ERO1B: variants seen among roughly 807,000 people sequenced by gnomAD.
ERO1B encodes the protein endoplasmic reticulum oxidoreductase 1 beta, also known as ERO1-like protein beta.
Under a neutral mutation model 75.3 loss-of-function variants are expected in ERO1B, and 49 were observed. The ratio of observed to expected loss-of-function variants is 0.65; its 90% confidence interval spans 0.52 to 0.83. The LOEUF is 0.83. ERO1B is among the 40% of genes least tolerant of loss of function. The pLI is 0.00. For missense variants in ERO1B, 512 were observed against 560.1 expected, an observed-to-expected ratio of 0.91 and a Z score of 0.87; for synonymous variants, 191 against 192.9, an observed-to-expected ratio of 0.99 and a Z score of 0.08.
Position 236,251,508 on chromosome 1 carries a change from CAAG to C in ERO1B, c.348+539_348+541del, listed in dbSNP as rs1357782432. 6 of 968,874 alleles carry C rather than the reference CAAG, an allele frequency of 6.2e-6. No individual in the cohort carries two copies. In the South Asian group the frequency reaches 1.4e-4, roughly 23 times the overall value. The allele number at this position is 968,874 out of a possible 1,614,324, so 60.0% of individuals were successfully genotyped here. On this transcript the variant is annotated intron_variant, in intron 4 of 15. Transcript: ENST00000354619. ...GCAAGAAGAAAACGCAAAGGAGGCACAAGAAGGAGACAGAGAGAGAGGGTATGA... is the reference window on the plus strand; with the variant it reads ...GCAAGAAGAAAACGCAAAGGAGGCACAAGGAGACAGAGAGAGAGGGTATGA...
chr1:236,216,145 A>G lies in ERO1B; in HGVS notation c.*2371T>C, dbSNP rs573813327. ...AAAAATAAACTTACGCCATTGAAGGAAGGAATATTTTCCTTTTCTTCATTT... is the reference window on the plus strand; with the variant it reads ...AAAAATAAACTTACGCCATTGAAGGGAGGAATATTTTCCTTTTCTTCATTT... On this transcript the variant is annotated 3_prime_UTR_variant, in exon 16 of 16. Coordinates refer to ENST00000354619, the MANE Select transcript of ERO1B (RefSeq NM_019891.4). The G allele has an allele frequency of 6.6e-6, 1 of 152,238 alleles. No individual in the cohort carries two copies. The highest frequency in any genetic ancestry group is 6.5e-5 in the Admixed American group (1 of 15,286). The allele number at this position is 152,238 out of a possible 1,614,324, so 9.4% of individuals were successfully genotyped here.
Position 236,216,795 on chromosome 1 carries a change from TCTTA to T in ERO1B, c.*1717_*1720del, listed in dbSNP as rs1205740479. On this transcript the variant is annotated 3_prime_UTR_variant, in exon 16 of 16. Transcript: ENST00000354619. ...ACTCTGAGTGAATACTAAGAATAATTCTTACTAATTTACTAGTTAAATTAATTGG... is the reference window on the plus strand; with the variant it reads ...ACTCTGAGTGAATACTAAGAATAATTCTAATTTACTAGTTAAATTAATTGG... The T allele has an allele frequency of 6.6e-6, 1 of 152,020 alleles. No homozygotes were observed. The highest frequency in any genetic ancestry group is 1.5e-5 in the Non-Finnish European group (1 of 67,968). 9.4% of individuals were successfully genotyped at this position (152,020 alleles called of 1,614,324 possible).
At chr1:236,274,272 C>T (rs1440422857) in intron 1 of ERO1B, among the ~76,000 whole-genome samples, 1 of 152,190 alleles carries the variant, frequency 6.6e-6, no homozygotes, top group Non-Finnish European at 1.5e-5. Flanking sequence ...GTGTGAGCCA[C>T]TGTGCCAGCC....
At chr1:236,278,809 TTG>T (rs1665762695) in intron 1 of ERO1B, among the ~76,000 whole-genome samples, 1 of 152,230 alleles carries the variant, frequency 6.6e-6, no homozygotes, top group African/African-American at 2.4e-5. Flanking sequence ...ACGTATCATT[TTG>T]TGTGTTCAAA....
chr1:236,231,500 G>GAAAAA (rs57411768), intron 9 of ERO1B, among the ~76,000 whole-genome samples: 1 of 95,892 alleles, frequency 1.0e-5, no homozygotes, highest in Non-Finnish European at 2.3e-5. Context: ...TTAAACACTT[G>GAAAAA]AAAAAAAAAA....
intron 13 of ERO1B, among the ~76,000 whole-genome samples, chr1:236,224,454 A>T (rs1383403778): frequency 7.9e-6 from 1 of 126,670 alleles, no homozygotes; most frequent in African/African-American, 2.8e-5. Context: ...CATCTCAAAA[A>T]ATAAATTTAA....
intron 1 of ERO1B, among the ~76,000 whole-genome samples, chr1:236,277,220 A>G (rs1421208277): frequency 2.0e-5 from 3 of 152,140 alleles, no homozygotes; most frequent in South Asian, 2.1e-4. Flanking sequence ...CCTGGCCAAC[A>G]TGGCAAAACC....
intron 2 of ERO1B, among the ~76,000 whole-genome samples, chr1:236,254,445 T>C (rs1447446873): frequency 2.0e-5 from 3 of 152,078 alleles, no homozygotes; most frequent in African/African-American, 7.2e-5. Context: ...CCTCAAAACC[T>C]TCCTGTGGCT....
intron 3 of ERO1B, 33 bp from the exon 4 acceptor site, chr1:236,252,124 A>C (rs1449380007): frequency 7.1e-7 from 1 of 1,414,096 alleles, no homozygotes; most frequent in South Asian, 1.2e-5. Context: ...AAAAATTTTT[A>C]AGTGATCTTT....
intron 9 of ERO1B, 59 bp from the exon 10 acceptor site, chr1:236,230,309 A>AT (rs1664374218): frequency 2.8e-6 from 4 of 1,422,386 alleles, no homozygotes; most frequent in East Asian, 2.3e-5. Flanking sequence ...AGTAGAATAA[A>AT]TTAGGTTTAT....
intron 6 of ERO1B, among the ~76,000 whole-genome samples, chr1:236,240,981 C>T (rs1018255810): frequency 3.9e-5 from 6 of 151,952 alleles, no homozygotes; most frequent in Admixed American, 6.6e-5. Context: ...ATGATAAAGA[C>T]AGTAACAACA....
intron 5 of ERO1B, among the ~76,000 whole-genome samples, chr1:236,245,425 C>T (rs12758879): frequency 4.0e-5 from 1 of 24,718 alleles, no homozygotes; most frequent in Non-Finnish European, 6.5e-5. Context: ...TATATATATA[C>T]GTATATATAT....
chr1:236,216,555 C>G lies in ERO1B; in HGVS notation c.*1961G>C, dbSNP rs1459022751. The G allele has an allele frequency of 6.6e-6, 1 of 151,980 alleles. No individual in the cohort carries two copies. Among genetic ancestry groups the G allele is most frequent in the African/African-American group, 2.4e-5 (1 of 41,394 alleles). 9.4% of individuals were successfully genotyped at this position (151,980 alleles called of 1,614,324 possible). A position where few individuals can be genotyped will look rare whatever the true frequency, so the allele number is the denominator to read the frequency against. ...AAAGAACTTTTTACTCTAACCAGAT[C>G]TTTTAATTTCCTAGAACATACTCTA... is the stretch of plus-strand genomic sequence containing the variant. On this transcript the variant is annotated 3_prime_UTR_variant, in exon 16 of 16. Coordinates refer to ENST00000354619, the MANE Select transcript of ERO1B (RefSeq NM_019891.4).
chr1:236,232,967 C>T, intron 8 of ERO1B, 128 bp from the exon 9 acceptor site: 1 of 669,096 alleles, frequency 1.5e-6, no homozygotes, highest in East Asian at 3.1e-5. Context: ...TGAGTAGACG[C>T]CCTGCAAATG....
At chr1:236,221,316 TA>T (rs1329080692) in intron 14 of ERO1B, among the ~76,000 whole-genome samples, 4 of 152,090 alleles carry the variant, frequency 2.6e-5, no homozygotes, top group African/African-American at 4.8e-5. Context: ...ACTCAGAGAT[TA>T]TTGATACCCA....
chr1:236,229,597 A>C lies in ERO1B; in HGVS notation c.712+627T>G, dbSNP rs183155811. On this transcript the variant is annotated intron_variant, in intron 10 of 15. Coordinates refer to ENST00000354619, the MANE Select transcript of ERO1B (RefSeq NM_019891.4). ...AATATATTTTAATTTTTAATTTCAT[A>C]TACTAATGGCAATTTGGTAAGGTAA... Among the ~76,000 whole-genome samples the C allele has an allele frequency of 5.2e-3, 795 of 152,252 alleles. 11 individuals carry two copies. The highest frequency in any genetic ancestry group is 0.017 in the African/African-American group (704 of 41,548).
intron 10 of ERO1B, among the ~76,000 whole-genome samples, chr1:236,228,820 G>A: frequency 6.6e-6 from 1 of 152,158 alleles, no homozygotes; most frequent in East Asian, 1.9e-4. Context: ...CTGCCTATAA[G>A]GGAATGCTCT....
intron 1 of ERO1B, among the ~76,000 whole-genome samples, chr1:236,280,694 T>G (rs539712467): frequency 6.6e-6 from 1 of 152,320 alleles, no homozygotes; most frequent in South Asian, 2.1e-4. Flanking sequence ...GAAAAACATG[T>G]TTTCACGGTT....
intron 10 of ERO1B, among the ~76,000 whole-genome samples, chr1:236,228,286 T>C (rs1348701301): frequency 6.6e-6 from 1 of 152,180 alleles, no homozygotes; most frequent in Non-Finnish European, 1.5e-5. Flanking sequence ...GGAATAGAAA[T>C]GTATTTCCAC....
Sources: gnomAD v4.1 joint callset for allele counts (sites outside exome capture counted in the v4.1 genomes callset) on GRCh38, gnomAD v4.1.1 for gene constraint, MANE v1.5 for transcripts, NCBI Gene and HGNC (gene_info 2026-07-23, HGNC 2026-07-21) for gene names.